PCDHGB4: variants seen among roughly 807,000 people sequenced by gnomAD.
The protein encoded by PCDHGB4 is protocadherin gamma subfamily B, 4.
Under a neutral mutation model 60.5 loss-of-function variants are expected in PCDHGB4, and 38 were observed. The observed-to-expected ratio is 0.63, with a 90% CI of 0.48 to 0.82. PCDHGB4 has a LOEUF of 0.82. Among genes scored for constraint, PCDHGB4 ranks in the 40% least tolerant of loss-of-function variants. The pLI is 0.00. For synonymous variants in PCDHGB4, 456 were observed against 509.7 expected (o/e 0.89, Z 1.42); for missense variants, 1,109 against 1,209.6 (o/e 0.92, Z 1.23).
At chr5:141,391,287 A>G (rs1429932607) in intron 1 of PCDHGB4, 1 of 152,126 alleles carries the variant, frequency 6.6e-6, no homozygotes, top group Non-Finnish European at 1.5e-5. Flanking sequence ...TTGCTGAAAG[A>G]AGGAAACGTC....
intron 1 of PCDHGB4, chr5:141,400,049 C>G (rs1242848324): frequency 6.2e-7 from 1 of 1,613,572 alleles, no homozygotes; most frequent in Non-Finnish European, 8.5e-7. Context: ...CTGCTGGTTG[C>G]TGTGCGTGAT....
chr5:141,403,960 G>C (rs775638627), intron 1 of PCDHGB4: 2 of 1,613,658 alleles, frequency 1.2e-6, no homozygotes, highest in African/African-American at 1.3e-5. Flanking sequence ...TGCTCATTTC[G>C]GTGGAAGATG....
chr5:141,454,563 C>T (rs1056296059), intron 1 of PCDHGB4, among the ~76,000 whole-genome samples: 46 of 151,960 alleles, frequency 3.0e-4, no homozygotes, highest in Non-Finnish European at 4.9e-4. Context: ...TGTGCCACCA[C>T]GCCCGGCTAA....
chr5:141,408,777 C>T (rs1019825842), intron 1 of PCDHGB4: 22 of 1,611,714 alleles, frequency 1.4e-5, no homozygotes, highest in Non-Finnish European at 1.8e-5. Context: ...GGCAAATACC[C>T]AGAGTTATCT....
intron 1 of PCDHGB4, chr5:141,395,210 A>T (rs200048432): frequency 1.9e-6 from 3 of 1,613,418 alleles, no homozygotes; most frequent in Non-Finnish European, 2.5e-6. Context: ...ATTTTCATGA[A>T]TATAAGAATG....
intron 1 of PCDHGB4, chr5:141,478,456 T>A (rs371773090): frequency 3.1e-6 from 5 of 1,613,366 alleles, no homozygotes; most frequent in African/African-American, 2.7e-5. Context: ...GTGCAGCCAG[T>A]CCACTGGCCA....
Position 141,490,012 on chromosome 5 carries a change from G to A in PCDHGB4, c.2398-4795G>A. 1 of 1,614,232 alleles carries A rather than the reference G, an allele frequency of 6.2e-7. No homozygotes were observed. Among genetic ancestry groups the A allele is most frequent in the Non-Finnish European group, 8.5e-7 (1 of 1,180,044 alleles). ...GGGAATCCCAGAGAATGCACCCATT[G>A]GTACTCTGCTGCTCCGCCTCAATGC... is the stretch of plus-strand genomic sequence containing the variant. On this transcript the variant is annotated intron_variant, in intron 1 of 3. Transcript: ENST00000519479. This position sits in a 1 kb window ranked among gnomAD's most constrained non-coding sequence, Gnocchi z 5.4.
intron 1 of PCDHGB4, chr5:141,418,503 T>G (rs2096264259): frequency 6.2e-7 from 1 of 1,613,828 alleles, no homozygotes. Flanking sequence ...CTGACCGCCT[T>G]AGATGGTGGG....
At chr5:141,505,336 G>T in intron 2 of PCDHGB4, 57 bp from the exon 3 acceptor site, 2 of 1,611,372 alleles carry the variant, frequency 1.2e-6, no homozygotes, top group Non-Finnish European at 1.7e-6. Context: ...GAGGACAGGA[G>T]GGGCATGAGC....
chr5:141,486,137 G>A lies in PCDHGB4; in HGVS notation c.2398-8670G>A, dbSNP rs1187526031. 1 of 1,614,074 alleles carries A rather than the reference G, an allele frequency of 6.2e-7. No individual in the cohort carries two copies. On this transcript the variant is annotated intron_variant, in intron 1 of 3. Coordinates refer to ENST00000519479, the MANE Select transcript of PCDHGB4 (RefSeq NM_003736.4). The surrounding 1 kb of genome is among the most constrained non-coding windows in gnomAD (Gnocchi z 5.0). ...GAATTACTATGAATTTGATGTGCGGGCTCGCGATGGGGGTTCTCCAGCCAT... is the reference window on the plus strand; with the variant it reads ...GAATTACTATGAATTTGATGTGCGGACTCGCGATGGGGGTTCTCCAGCCAT...
At chr5:141,392,644 A>C in intron 1 of PCDHGB4, 1 of 663,560 alleles carries the variant, frequency 1.5e-6, no homozygotes, top group Non-Finnish European at 2.4e-6. Flanking sequence ...CACCTCACGA[A>C]GACCCGCAGA....
chr5:141,468,648 C>G (rs60206946), intron 1 of PCDHGB4: 27,626 of 151,800 alleles, frequency 0.18, 2,687 homozygotes, highest in Admixed American at 0.28. Flanking sequence ...GGGCGGATCA[C>G]AAGGTCAGGA....
At chr5:141,394,658 A>G (rs755560495) in intron 1 of PCDHGB4, 1 of 1,610,022 alleles carries the variant, frequency 6.2e-7, no homozygotes, top group South Asian at 1.1e-5. Flanking sequence ...GCGAGCCGGG[A>G]CTCTTCTCGG....
intron 1 of PCDHGB4, among the ~76,000 whole-genome samples, chr5:141,479,135 G>C (rs1236040845): frequency 6.6e-6 from 1 of 152,126 alleles, no homozygotes; most frequent in East Asian, 1.9e-4. Flanking sequence ...TGTGCACCCT[G>C]CTTACAAAAT....
intron 1 of PCDHGB4, chr5:141,404,463 A>C: frequency 6.2e-7 from 1 of 1,612,548 alleles, no homozygotes. Flanking sequence ...CTCTCCACCT[A>C]TGTCTCTATT....
At chr5:141,427,869 A>G in intron 1 of PCDHGB4, 3 of 1,559,604 alleles carry the variant, frequency 1.9e-6, no homozygotes, top group Non-Finnish European at 2.6e-6. Flanking sequence ...CTTCGAGCTC[A>G]CGATGCAGGC....
Position 141,491,405 on chromosome 5 carries a change from A to C in PCDHGB4, c.2398-3402A>C. 6.2e-7 allele frequency: 1 copy of C among 1,614,096 alleles called. No individual in the cohort carries two copies. Among genetic ancestry groups the C allele is most frequent in the Non-Finnish European group, 8.5e-7 (1 of 1,179,998 alleles). On this transcript the variant is annotated intron_variant, in intron 1 of 3. Coordinates refer to ENST00000519479, the MANE Select transcript of PCDHGB4 (RefSeq NM_003736.4). This position sits in a 1 kb window ranked among gnomAD's most constrained non-coding sequence, Gnocchi z 6.9. ...GCGAAGTGCCTTCAGGGAAACGCAG[A>C]CGGGGACGGGGGTGGAGGGCAGTGC... is the stretch of plus-strand genomic sequence containing the variant.
At chr5:141,404,492 C>T (rs770295078) in intron 1 of PCDHGB4, 1 of 1,613,668 alleles carries the variant, frequency 6.2e-7, no homozygotes, top group African/African-American at 1.3e-5. Context: ...CACTGGTGTG[C>T]TGTATGCTCT....
chr5:141,424,246 A>G (rs971050268), intron 1 of PCDHGB4: 2 of 154,772 alleles, frequency 1.3e-5, no homozygotes, highest in African/African-American at 4.8e-5. Context: ...GTGGCTGGTA[A>G]TATGCTTAGA....
Sources: gnomAD v4.1 joint callset for allele counts (sites outside exome capture counted in the v4.1 genomes callset) on GRCh38, gnomAD v4.1.1 for gene constraint, Gnocchi (gnomAD v3.1) non-coding constraint, MANE v1.5 for transcripts, NCBI Gene and HGNC (gene_info 2026-07-23, HGNC 2026-07-21) for gene names.